Variants in RARS2 observed in about 807,000 individuals in gnomAD.
RARS2 encodes the protein arginyl-tRNA synthetase 2, mitochondrial.
RARS2 carries 67 observed loss-of-function variants against 88.5 expected under a neutral mutation model. That is an observed-to-expected ratio of 0.76 (90% CI 0.62 to 0.93). The LOEUF (loss-of-function observed/expected upper bound fraction) is 0.93, where lower values mean the gene tolerates loss of function less well. Ranked by LOEUF, RARS2 falls within the 40% of genes least tolerant of loss-of-function variation. The probability of loss-of-function intolerance (pLI) is 0.00; values close to 1 mark genes in which losing one functional copy is unlikely to be tolerated. For synonymous variants in RARS2, 239 were observed against 230.3 expected, an observed-to-expected ratio of 1.04 and a Z score of -0.34; for missense variants, 664 against 684.2, an observed-to-expected ratio of 0.97 and a Z score of 0.33.
chr6:87,552,085 A>G (rs762734992), intron 5 of RARS2, among the ~76,000 whole-genome samples: 1 of 152,200 alleles, frequency 6.6e-6, no homozygotes, highest in Non-Finnish European at 1.5e-5. Context: ...GGGAGGCAGT[A>G]AAAGTTAAGT....
intron 14 of RARS2, 69 bp downstream of exon 14, chr6:87,519,514 G>A: frequency 6.6e-7 from 1 of 1,508,476 alleles, no homozygotes; most frequent in Non-Finnish European, 9.2e-7. Context: ...AAATCACACT[G>A]CCCAAAGTCC....
At chr6:87,581,535 G>A (rs1272256298) in intron 1 of RARS2, among the ~76,000 whole-genome samples, 2 of 152,068 alleles carry the variant, frequency 1.3e-5, no homozygotes, top group Non-Finnish European at 2.9e-5. Flanking sequence ...AAAACTTTGG[G>A]GCTTAGAAGA....
intron 4 of RARS2, among the ~76,000 whole-genome samples, chr6:87,560,444 G>T (rs1173791962): frequency 6.6e-6 from 1 of 152,104 alleles, no homozygotes; most frequent in African/African-American, 2.4e-5. Flanking sequence ...AGTTTCTCTT[G>T]AAAGTACTGC....
Position 87,529,657 on chromosome 6 carries a change from G to C in RARS2, c.772-9C>G, listed in dbSNP as rs775053238. 1 of 1,563,076 alleles carries C rather than the reference G, an allele frequency of 6.4e-7. No homozygotes were observed. The highest frequency in any genetic ancestry group is 8.8e-7 in the Non-Finnish European group (1 of 1,133,788). On this transcript the variant is annotated splice_polypyrimidine_tract_variant and intron_variant, in intron 9 of 19. Coordinates refer to ENST00000369536, the MANE Select transcript of RARS2 (RefSeq NM_020320.5). ...AAATATACTCCCAGACGCTAAAAGAGTTCAGAAACAAAAAGACAAAGAAAT... is the reference window on the plus strand; with the variant it reads ...AAATATACTCCCAGACGCTAAAAGACTTCAGAAACAAAAAGACAAAGAAAT...
intron 8 of RARS2, among the ~76,000 whole-genome samples, chr6:87,536,568 C>G (rs530744178): frequency 8.7e-5 from 13 of 149,398 alleles, no homozygotes; most frequent in African/African-American, 2.7e-4. Context: ...ACCCGGGAGG[C>G]AGAGGTTGCA....
chr6:87,563,985 G>C, intron 3 of RARS2, 145 bp downstream of exon 3: 1 of 697,564 alleles, frequency 1.4e-6, no homozygotes, highest in South Asian at 1.6e-5. Context: ...ATAGTACATG[G>C]CTAAAATGAA....
intron 4 of RARS2, among the ~76,000 whole-genome samples, chr6:87,558,244 T>A (rs1786645381): frequency 6.6e-6 from 1 of 151,952 alleles, no homozygotes; most frequent in African/African-American, 2.4e-5. Context: ...AGACTGGATA[T>A]GCTTTTCAGG....
chr6:87,564,095 T>A lies in RARS2; in HGVS notation c.213+35A>T, dbSNP rs545555574. On this transcript the variant is annotated intron_variant, in intron 3 of 19. Transcript: ENST00000369536. The stretch of plus-strand genomic sequence containing the variant: ...GTACTTTTTTTAATAACAAGTTTAT[T>A]ACAATGTCAAAAAGAGATAATAGTG... The A allele has an allele frequency of 1.1e-5, 16 of 1,491,738 alleles. No individual in the cohort carries two copies. In the South Asian group the frequency reaches 1.6e-4, roughly 15 times the overall value. 92.4% of individuals were successfully genotyped at this position (1,491,738 alleles called of 1,614,324 possible).
intron 1 of RARS2, among the ~76,000 whole-genome samples, chr6:87,587,205 T>G (rs1730221164): frequency 6.6e-6 from 1 of 152,164 alleles, no homozygotes; most frequent in South Asian, 2.1e-4. Context: ...AAATCTGGAA[T>G]TCTCCAATGA....
intron 14 of RARS2, chr6:87,519,167 T>TAC (rs1283393094): frequency 3.4e-6 from 1 of 291,772 alleles, no homozygotes; most frequent in African/African-American, 2.5e-5. Flanking sequence ...TATGTGTGTA[T>TAC]ATATATATAA....
chr6:87,547,023 T>C (rs1458286894), intron 6 of RARS2, among the ~76,000 whole-genome samples: 3 of 152,240 alleles, frequency 2.0e-5, no homozygotes, highest in Admixed American at 2.0e-4. Context: ...CTTTGGGATG[T>C]TGGGAAAGTT....
At chr6:87,518,134 G>A (rs1156323509) in intron 17 of RARS2, 35 bp downstream of exon 17, 1 of 1,614,082 alleles carries the variant, frequency 6.2e-7, no homozygotes, top group Admixed American at 1.7e-5. Context: ...TTGATAAGCA[G>A]AAGCACACTT....
chr6:87,537,568 T>A lies in RARS2; in HGVS notation c.612+4350A>T, dbSNP rs1175909513. Among the ~76,000 whole-genome samples, 3 of 152,160 alleles carry A rather than the reference T, an allele frequency of 2.0e-5. No homozygotes were observed. In the South Asian group the frequency reaches 6.2e-4, roughly 32 times the overall value. ...ATTAGAAAAGGGGGCAAAAGAGAACTATAAAAGCAAATTCATTCAGGCATT... is the reference window on the plus strand; with the variant it reads ...ATTAGAAAAGGGGGCAAAAGAGAACAATAAAAGCAAATTCATTCAGGCATT... On this transcript the variant is annotated intron_variant, in intron 8 of 19. Transcript: ENST00000369536.
chr6:87,546,006 G>GA (rs201170367), intron 6 of RARS2, among the ~76,000 whole-genome samples: 84 of 140,496 alleles, frequency 6.0e-4, no homozygotes, highest in East Asian at 1.8e-3. Flanking sequence ...TTCAAGAAGA[G>GA]AAAAAAAAAA....
intron 8 of RARS2, among the ~76,000 whole-genome samples, chr6:87,541,228 G>A (rs1346155796): frequency 6.6e-6 from 1 of 152,278 alleles, no homozygotes; most frequent in African/African-American, 2.4e-5. Flanking sequence ...CCAGGCTGGA[G>A]TGCAGTGTCA....
intron 10 of RARS2, among the ~76,000 whole-genome samples, chr6:87,529,142 C>T (rs1216752400): frequency 3.3e-5 from 5 of 152,134 alleles, no homozygotes; most frequent in African/African-American, 1.2e-4. Context: ...ATTTATAAGC[C>T]TGTTATAGTA....
At chr6:87,574,968 A>G (rs1770929432) in intron 1 of RARS2, among the ~76,000 whole-genome samples, 1 of 152,232 alleles carries the variant, frequency 6.6e-6, no homozygotes, top group African/African-American at 2.4e-5. Context: ...CAACCTTAGG[A>G]AAATTGGTGT....
chr6:87,574,072 T>C (rs778899060), intron 1 of RARS2, among the ~76,000 whole-genome samples: 74 of 152,238 alleles, frequency 4.9e-4, no homozygotes, highest in Non-Finnish European at 9.3e-4. Flanking sequence ...AACTAAGAGA[T>C]GCTGCCCAAG....
At chr6:87,532,347 CT>C (rs1157934755) in intron 8 of RARS2, among the ~76,000 whole-genome samples, 1 of 152,134 alleles carries the variant, frequency 6.6e-6, no homozygotes, top group Non-Finnish European at 1.5e-5. Flanking sequence ...ACCAACTTAA[CT>C]GATAAAAGTG....
Sources: allele counts gnomAD v4.1 joint callset (sites outside exome capture counted in the v4.1 genomes callset), GRCh38; gene constraint gnomAD v4.1.1; transcripts MANE v1.5; gene names NCBI Gene and HGNC (gene_info 2026-07-23, HGNC 2026-07-21).